Variants in DGCR2 observed in about 807,000 individuals in gnomAD.
DGCR2 encodes the protein integral membrane protein DGCR2/IDD.
DGCR2 carries 24 observed loss-of-function variants against 51.6 expected under a neutral mutation model. The observed-to-expected ratio is 0.47, with a 90% CI of 0.34 to 0.65. DGCR2 has a LOEUF of 0.65. Ranked by LOEUF, DGCR2 falls within the 30% of genes least tolerant of loss-of-function variation. DGCR2 has a pLI of 0.01. For missense variants in DGCR2, 765 were observed against 772.1 expected (o/e 0.99, Z 0.11); for synonymous variants, 340 against 315.4 (o/e 1.08, Z -0.82).
chr22:19,065,355 G>A (rs1329547829), intron 3 of DGCR2, among the ~76,000 whole-genome samples: 1 of 152,210 alleles, frequency 6.6e-6, no homozygotes, highest in African/African-American at 2.4e-5. Context: ...GTCTTGTAAA[G>A]TGGATTTCAT....
intron 6 of DGCR2, among the ~76,000 whole-genome samples, chr22:19,055,168 CAATAT>C (rs768267912): frequency 7.9e-5 from 12 of 151,730 alleles, no homozygotes; most frequent in Admixed American, 1.3e-4. Context: ...CCAAATCCAC[CAATAT>C]AATATATTAT....
At chr22:19,090,570 A>T (rs1319061215) in intron 1 of DGCR2, among the ~76,000 whole-genome samples, 1 of 152,228 alleles carries the variant, frequency 6.6e-6, no homozygotes, top group Non-Finnish European at 1.5e-5. Flanking sequence ...TAAAGCAAAC[A>T]CACAGATACT....
At chr22:19,055,446 G>A (rs2082591034) in intron 6 of DGCR2, among the ~76,000 whole-genome samples, 1 of 152,144 alleles carries the variant, frequency 6.6e-6, no homozygotes, top group Non-Finnish European at 1.5e-5. Flanking sequence ...AAGTTGAGAA[G>A]ACAAGAATGC....
intron 2 of DGCR2, among the ~76,000 whole-genome samples, chr22:19,087,515 T>C (rs2083030473): frequency 6.6e-6 from 1 of 152,104 alleles, no homozygotes; most frequent in African/African-American, 2.4e-5. Context: ...TCAGCTGGGA[T>C]TACAGGTGCT....
intron 1 of DGCR2, among the ~76,000 whole-genome samples, chr22:19,093,157 T>C (rs1006180719): frequency 6.6e-6 from 1 of 151,678 alleles, no homozygotes; most frequent in Non-Finnish European, 1.5e-5. Flanking sequence ...GGTCGGGAGC[T>C]CCGAACCAGC....
In DGCR2 at chr22:19,037,690, A is replaced by G. The variant is rs549996367; in HGVS notation, c.*1175T>C. On this transcript the variant is annotated 3_prime_UTR_variant, in exon 10 of 10. Transcript: ENST00000263196. The stretch of plus-strand genomic sequence containing the variant: ...GCTAAAAATCGCACAGAACCCGCTT[A>G]ATCTCCAAACCTCAGAAATGTTAAA... 5.9e-5 allele frequency: 9 copies of G among 152,420 alleles called. No homozygotes were observed. In the South Asian group the frequency reaches 1.4e-3, roughly 25 times the overall value. The allele number at this position is 152,420 out of a possible 1,614,324, so 9.4% of individuals were successfully genotyped here.
At chr22:19,061,798 G>A (rs1041585366) in intron 5 of DGCR2, 20 of 152,252 alleles carry the variant, frequency 1.3e-4, no homozygotes, top group African/African-American at 4.6e-4. Context: ...GCTCCGGGAT[G>A]CTGTGGGGCC....
At chr22:19,094,263 A>C (rs2083113286) in intron 1 of DGCR2, among the ~76,000 whole-genome samples, 1 of 152,160 alleles carries the variant, frequency 6.6e-6, no homozygotes, top group Admixed American at 6.5e-5. Context: ...CCCCATCTCT[A>C]CCAAAAACGC....
chr22:19,110,875 A>G (rs141774399), intron 1 of DGCR2, among the ~76,000 whole-genome samples: 245 of 152,342 alleles, frequency 1.6e-3, no homozygotes, highest in African/African-American at 5.5e-3. Context: ...ATAAAAAGAC[A>G]TCACATCTCA....
At chr22:19,082,658 G>A (rs1176553631) in intron 2 of DGCR2, among the ~76,000 whole-genome samples, 1 of 152,018 alleles carries the variant, frequency 6.6e-6, no homozygotes, top group African/African-American at 2.4e-5. Context: ...GCTGAGGCAG[G>A]AGAATCACTT....
intron 7 of DGCR2, 119 bp downstream of exon 7, chr22:19,048,321 G>T: frequency 9.5e-7 from 1 of 1,049,164 alleles, no homozygotes. Flanking sequence ...CGCTGCCATT[G>T]CTGCTGCGCG....
chr22:19,064,539 A>G (rs1601219113), intron 4 of DGCR2, among the ~76,000 whole-genome samples: 2 of 151,866 alleles, frequency 1.3e-5, no homozygotes, highest in Non-Finnish European at 2.9e-5. Context: ...ACAAGCCAGC[A>G]CCCCCAGCCC....
intron 5 of DGCR2, among the ~76,000 whole-genome samples, chr22:19,062,007 C>T (rs1476960628): frequency 6.6e-6 from 1 of 152,200 alleles, no homozygotes; most frequent in Non-Finnish European, 1.5e-5. Flanking sequence ...GCCCCCAGTC[C>T]CCAACTCTGA....
chr22:19,074,538 C>T (rs2082853355), intron 2 of DGCR2, among the ~76,000 whole-genome samples: 1 of 152,050 alleles, frequency 6.6e-6, no homozygotes, highest in African/African-American at 2.4e-5. Context: ...AGGGCCCAGA[C>T]TCACCCACCA....
intron 7 of DGCR2, 128 bp downstream of exon 7, chr22:19,048,312 G>A (rs1306036292): frequency 2.6e-5 from 25 of 952,972 alleles, no homozygotes; most frequent in South Asian, 2.4e-4. Flanking sequence ...TGTGACAAAC[G>A]CTGCCATTGC....
intron 1 of DGCR2, among the ~76,000 whole-genome samples, chr22:19,111,801 T>C (rs5993532): frequency 0.051 from 7,676 of 151,982 alleles, 635 homozygotes; most frequent in African/African-American, 0.17. Context: ...TGTCAGCACT[T>C]GGGCCCAAAT....
intron 1 of DGCR2, among the ~76,000 whole-genome samples, chr22:19,120,112 G>C (rs9605943): frequency 6.6e-6 from 1 of 152,200 alleles, no homozygotes; most frequent in Non-Finnish European, 1.5e-5. Flanking sequence ...ATCAGGCCCA[G>C]AGGCCTGCCC....
chr22:19,044,990 T>G (rs2082473109), intron 7 of DGCR2, among the ~76,000 whole-genome samples: 1 of 113,226 alleles, frequency 8.8e-6, no homozygotes, highest in South Asian at 3.2e-4. Flanking sequence ...GAAGCCAAAT[T>G]TGTCTGTTTT....
At chr22:19,114,855 C>T (rs1002260037) in intron 1 of DGCR2, among the ~76,000 whole-genome samples, 4 of 152,176 alleles carry the variant, frequency 2.6e-5, no homozygotes, top group Non-Finnish European at 2.9e-5. Context: ...CCACCATACC[C>T]ACCAGAATAC....
Sources: gnomAD v4.1 joint callset for allele counts (sites outside exome capture counted in the v4.1 genomes callset) on GRCh38, gnomAD v4.1.1 for gene constraint, MANE v1.5 for transcripts, NCBI Gene and HGNC (gene_info 2026-07-23, HGNC 2026-07-21) for gene names.